Variants in CALHM5 observed in about 807,000 individuals in gnomAD.
CALHM5 encodes the protein calcium homeostasis modulator family member 5.
A neutral mutation model predicts 20.9 loss-of-function variants in CALHM5; 17 were observed. The observed-to-expected ratio is 0.82, with a 90% confidence interval of 0.56 to 1.22. The LOEUF (loss-of-function observed/expected upper bound fraction) is 1.22, where lower values mean the gene tolerates loss of function less well. CALHM5 is among the 50% of genes most tolerant of loss of function. The pLI, the probability that CALHM5 is intolerant of heterozygous loss-of-function variation, is 0.00. For synonymous variants in CALHM5, 148 were observed against 140.0 expected, an observed-to-expected ratio of 1.06 and a Z score of -0.40; for missense variants, 360 against 364.6, an observed-to-expected ratio of 0.99 and a Z score of 0.10.
At position 116,517,733 on chromosome 6, in the gene CALHM5, G is replaced by C. The variant is rs1772255225; in HGVS notation, c.*1744G>C. Reference sequence around the variant, plus strand: ...GCGAATGAGATGACTGATAGTTAGGGGCTTCTGAATGGCCTCAGAATAGGG... The same window carrying C: ...GCGAATGAGATGACTGATAGTTAGGCGCTTCTGAATGGCCTCAGAATAGGG... On this transcript the variant is annotated 3_prime_UTR_variant, in exon 2 of 2. Transcript: ENST00000368599. The C allele has an allele frequency of 6.6e-6, 1 of 152,112 alleles. No homozygotes were observed. Among genetic ancestry groups the C allele is most frequent in the Non-Finnish European group, 1.5e-5 (1 of 68,012 alleles). 9.4% of individuals were successfully genotyped at this position (152,112 alleles called of 1,614,324 possible).
chr6:116,512,969 T>G (rs537786295), intron 1 of CALHM5, among the ~76,000 whole-genome samples: 3 of 152,326 alleles, frequency 2.0e-5, no homozygotes, highest in Admixed American at 2.0e-4. Context: ...TATCTTTACC[T>G]AATTGATGCA....
Position 116,520,047 on chromosome 6 carries a change from T to C in CALHM5, c.*4058T>C, listed in dbSNP as rs1179705275. The C allele has an allele frequency of 6.6e-6, 1 of 152,240 alleles. No individual in the cohort carries two copies. Among genetic ancestry groups the C allele is most frequent in the Non-Finnish European group, 1.5e-5 (1 of 68,044 alleles). The allele number at this position is 152,240 out of a possible 1,614,324, so 9.4% of individuals were successfully genotyped here. A position where few individuals can be genotyped will look rare whatever the true frequency, so the allele number is the denominator to read the frequency against. On this transcript the variant is annotated 3_prime_UTR_variant, in exon 2 of 2. Transcript: ENST00000368599. ...TTAAAGTAATGTATTGTAAAATATA[T>C]GTGTCCAAAGCAACTTTTAAAATTT... is the stretch of plus-strand genomic sequence containing the variant.
intron 1 of CALHM5, 194 bp downstream of exon 1, chr6:116,512,430 G>A: frequency 1.7e-6 from 1 of 582,076 alleles, no homozygotes; most frequent in Non-Finnish European, 2.9e-6. Flanking sequence ...GTTGCTGACT[G>A]GATTATCTCT....
At position 116,515,716 on chromosome 6, in the gene CALHM5, A is replaced by C. The variant is rs762929694; in HGVS notation, c.657A>C (p.Ala219=). The part of the protein sequence containing the change: ...YLQLSFWKTY[A]QKEKEQLENT... ...AGCTGAGTTTTTGGAAGACATATGC[A>C]CAAAAGGAGAAGGAGCAGTTGGAAA... The change falls in exon 2 of 2, where the codon GCA becomes GCC. Residue 219 remains alanine (A), a synonymous_variant. Coordinates refer to ENST00000368599, the MANE Select transcript of CALHM5 (RefSeq NM_153711.5). 1.2e-6 allele frequency: 2 copies of C among 1,614,036 alleles called. No individual in the cohort carries two copies.
rs140564871 is a variant in CALHM5 at position 116,520,020 on chromosome 6, C to A, written c.*4031C>A. ...TCACTACATAATTCTATGCATTATA[C>A]CTTAAAGTAATGTATTGTAAAATAT... On this transcript the variant is annotated 3_prime_UTR_variant, in exon 2 of 2. Coordinates refer to ENST00000368599, the MANE Select transcript of CALHM5 (RefSeq NM_153711.5). 251 of 152,168 alleles carry A rather than the reference C, an allele frequency of 1.6e-3. 1 individual carries two copies. The highest frequency in any genetic ancestry group is 5.6e-3 in the African/African-American group (233 of 41,520). The allele number at this position is 152,168 out of a possible 1,614,324, so 9.4% of individuals were successfully genotyped here.
Position 116,515,965 on chromosome 6 carries a change from T to G in CALHM5, c.906T>G (p.Leu302=). The G allele has an allele frequency of 6.2e-7, 1 of 1,605,874 alleles. No homozygotes were observed. The highest frequency in any genetic ancestry group is 2.2e-5 in the East Asian group (1 of 44,674). The part of the protein sequence containing the change: ...SPEDDETTMV[L]VGTAHNM ...AGGATGATGAGACGACAATGGTCCT[T>G]GTGGGTACTGCCCACAATATGTAGC... Residue 302 remains leucine (L), a synonymous_variant, in exon 2 of 2, where the codon CTT becomes CTG. Coordinates refer to ENST00000368599, the MANE Select transcript of CALHM5 (RefSeq NM_153711.5).
intron 1 of CALHM5, among the ~76,000 whole-genome samples, chr6:116,514,518 T>C (rs754586755): frequency 6.6e-6 from 1 of 152,216 alleles, no homozygotes; most frequent in Non-Finnish European, 1.5e-5. Context: ...ATGTGTCCAG[T>C]ATCATTTCAT....
At chr6:116,515,353 T>C (rs1772202000) in intron 1 of CALHM5, among the ~76,000 whole-genome samples, 1 of 152,208 alleles carries the variant, frequency 6.6e-6, no homozygotes, top group Non-Finnish European at 1.5e-5. Context: ...GCCTGCCTTC[T>C]GGTTATTTCT....
chr6:116,515,017 C>G (rs1772195312), intron 1 of CALHM5, among the ~76,000 whole-genome samples: 1 of 152,226 alleles, frequency 6.6e-6, no homozygotes, highest in African/African-American at 2.4e-5. Flanking sequence ...TTTGTTTTTT[C>G]TAATTACCAA....
In CALHM5 at chr6:116,517,346, A is replaced by T. The variant is rs1772248163; in HGVS notation, c.*1357A>T. On this transcript the variant is annotated 3_prime_UTR_variant, in exon 2 of 2. Coordinates refer to ENST00000368599, the MANE Select transcript of CALHM5 (RefSeq NM_153711.5). ...TCTTACATTTATCAGAAATAATGCA[A>T]ATCTTGCATTCTACAATGTACTATA... The T allele has an allele frequency of 6.6e-6, 1 of 152,206 alleles. No individual in the cohort carries two copies. Among genetic ancestry groups the T allele is most frequent in the Non-Finnish European group, 1.5e-5 (1 of 68,046 alleles). The allele number at this position is 152,206 out of a possible 1,614,324, so 9.4% of individuals were successfully genotyped here. A position where few individuals can be genotyped will look rare whatever the true frequency, so the allele number is the denominator to read the frequency against.
rs1235086287 is a variant in CALHM5 at position 116,519,827 on chromosome 6, A to G, written c.*3838A>G. ...AATTTATCCCATGAATAAATTGTGT[A>G]CACATATATATATGATTCTTTTGTT... On this transcript the variant is annotated 3_prime_UTR_variant, in exon 2 of 2. Transcript: ENST00000368599. 1 of 152,236 alleles carries G rather than the reference A, an allele frequency of 6.6e-6. No homozygotes were observed. Among genetic ancestry groups the G allele is most frequent in the Admixed American group, 6.5e-5 (1 of 15,284 alleles). The allele number at this position is 152,236 out of a possible 1,614,324, so 9.4% of individuals were successfully genotyped here. A position where few individuals can be genotyped will look rare whatever the true frequency, so the allele number is the denominator to read the frequency against.
intron 1 of CALHM5, chr6:116,512,492 T>A (rs377312597): frequency 1.8e-4 from 76 of 429,992 alleles, no homozygotes; most frequent in East Asian, 1.6e-3. Context: ...TATAAATACT[T>A]AAGTACTTTA....
At position 116,517,016 on chromosome 6, in the gene CALHM5, G is replaced by A. The variant is rs1772241950; in HGVS notation, c.*1027G>A. Reference sequence around the variant, plus strand: ...AGGCTGCCAGCATGCTCAGGTTCTGGTGAGAGCAATTTTCCAGGTTGCAAA... The same window carrying A: ...AGGCTGCCAGCATGCTCAGGTTCTGATGAGAGCAATTTTCCAGGTTGCAAA... On this transcript the variant is annotated 3_prime_UTR_variant, in exon 2 of 2. Coordinates refer to ENST00000368599, the MANE Select transcript of CALHM5 (RefSeq NM_153711.5). 1 of 152,406 alleles carries A rather than the reference G, an allele frequency of 6.6e-6. No homozygotes were observed. Among genetic ancestry groups the A allele is most frequent in the Admixed American group, 6.6e-5 (1 of 15,264 alleles). 9.4% of individuals were successfully genotyped at this position (152,406 alleles called of 1,614,324 possible). A position where few individuals can be genotyped will look rare whatever the true frequency, so the allele number is the denominator to read the frequency against.
chr6:116,512,190 C>CT lies in CALHM5; in HGVS notation c.495dup (p.Thr166TyrfsTer4). 6.2e-7 allele frequency: 1 copy of CT among 1,608,894 alleles called. No individual in the cohort carries two copies. Among genetic ancestry groups the CT allele is most frequent in the South Asian group, 1.1e-5 (1 of 91,072 alleles). ...TCTTGTGGCAAAACTAGCATGCTACCTACCGTCAATGAAGAACTGAAACTC... is the reference window on the plus strand; with the variant it reads ...TCTTGTGGCAAAACTAGCATGCTACCTTACCGTCAATGAAGAACTGAAACTC... On this transcript the variant is annotated frameshift_variant, in exon 1 of 2. Transcript: ENST00000368599. LOFTEE classifies it high-confidence loss of function.
chr6:116,514,651 G>T (rs962078756), intron 1 of CALHM5, among the ~76,000 whole-genome samples: 1 of 152,186 alleles, frequency 6.6e-6, no homozygotes, highest in Non-Finnish European at 1.5e-5. Context: ...TGCCAGTCCA[G>T]AGTTGGCATT....
chr6:116,523,712 G>T lies in CALHM5; in HGVS notation c.*7723G>T, dbSNP rs767212821. 1 of 152,120 alleles carries T rather than the reference G, an allele frequency of 6.6e-6. No individual in the cohort carries two copies. Among genetic ancestry groups the T allele is most frequent in the Non-Finnish European group, 1.5e-5 (1 of 68,020 alleles). The allele number at this position is 152,120 out of a possible 1,614,324, so 9.4% of individuals were successfully genotyped here. On this transcript the variant is annotated 3_prime_UTR_variant, in exon 2 of 2. Coordinates refer to ENST00000368599, the MANE Select transcript of CALHM5 (RefSeq NM_153711.5). ...TACATAGTATCACATGTGAAATATT[G>T]TTTCCTAAGAAGCTAAACCTAATCA...
Position 116,512,036 on chromosome 6 carries a change from T to A in CALHM5, c.340T>A (p.Trp114Arg). Reference protein sequence around the residue: ...TLSSLVAPVMWLSVALLNGTF... With the variant: ...TLSSLVAPVMRLSVALLNGTF... ...GAGCTCATTGGTGGCTCCAGTGATG[T>A]GGCTTTCTGTGGCTCTGCTCAATGG... The change falls in exon 1 of 2, where the codon TGG (tryptophan) becomes AGG (arginine). Residue 114 changes from tryptophan to arginine, a missense_variant. Physicochemically the swap from Trp to Arg is moderately radical, Grantham distance 101 (BLOSUM62 -3). Coordinates refer to ENST00000368599, the MANE Select transcript of CALHM5 (RefSeq NM_153711.5). 1 of 1,614,070 alleles carries A rather than the reference T, an allele frequency of 6.2e-7. No individual in the cohort carries two copies. Among genetic ancestry groups the A allele is most frequent in the Non-Finnish European group, 8.5e-7 (1 of 1,179,996 alleles).
chr6:116,517,627 A>G lies in CALHM5; in HGVS notation c.*1638A>G, dbSNP rs1250077656. 1 of 152,164 alleles carries G rather than the reference A, an allele frequency of 6.6e-6. No individual in the cohort carries two copies. The highest frequency in any genetic ancestry group is 1.5e-5 in the Non-Finnish European group (1 of 68,042). 9.4% of individuals were successfully genotyped at this position (152,164 alleles called of 1,614,324 possible). On this transcript the variant is annotated 3_prime_UTR_variant, in exon 2 of 2. Transcript: ENST00000368599. ...GTTATTGTCATTTACAAGAAGAAAT[A>G]TGTATTTGGTCTTTCTTCCTATTCC...
chr6:116,514,932 T>C (rs1339483090), intron 1 of CALHM5, among the ~76,000 whole-genome samples: 1 of 152,232 alleles, frequency 6.6e-6, no homozygotes, highest in African/African-American at 2.4e-5. Context: ...AGTTAGAAGA[T>C]AATTTAAGCT....
Sources: gnomAD v4.1 joint callset for allele counts (sites outside exome capture counted in the v4.1 genomes callset) on GRCh38, gnomAD v4.1.1 for gene constraint, MANE v1.5 for transcripts, NCBI Gene and HGNC (gene_info 2026-07-23, HGNC 2026-07-21) for gene names.